SUCLG2: variants seen among roughly 807,000 people sequenced by gnomAD.
SUCLG2 encodes succinate--CoA ligase [GDP-forming] subunit beta, mitochondrial.
SUCLG2 carries 42 observed loss-of-function variants against 47.9 expected under a neutral mutation model. The observed-to-expected ratio is 0.88, with a 90% confidence interval of 0.69 to 1.14. SUCLG2 has a LOEUF of 1.14. SUCLG2 is among the 50% of genes most tolerant of loss of function. The probability of loss-of-function intolerance (pLI) is 0.00; values close to 1 mark genes in which losing one functional copy is unlikely to be tolerated. For missense variants in SUCLG2, 571 were observed against 525.9 expected, an observed-to-expected ratio of 1.09 and a Z score of -0.84; for synonymous variants, 195 against 197.3, an observed-to-expected ratio of 0.99 and a Z score of 0.10.
At chr3:67,623,139 G>C (rs902012778) in intron 1 of SUCLG2, among the ~76,000 whole-genome samples, 2 of 152,058 alleles carry the variant, frequency 1.3e-5, no homozygotes, top group Non-Finnish European at 2.9e-5. Flanking sequence ...ACCCACTCAG[G>C]TGAGTCTCTG....
intron 7 of SUCLG2, among the ~76,000 whole-genome samples, chr3:67,500,362 A>G (rs1047798907): frequency 6.6e-6 from 1 of 152,200 alleles, no homozygotes; most frequent in African/African-American, 2.4e-5. Context: ...AATACTTGTT[A>G]TAAGTATATA....
At chr3:67,494,900 T>C (rs113302466) in intron 9 of SUCLG2, among the ~76,000 whole-genome samples, 1,562 of 152,314 alleles carry the variant, frequency 0.01, 11 homozygotes, top group Non-Finnish European at 0.014. Flanking sequence ...AGCATGGGTG[T>C]GGTAGCTACA....
chr3:67,578,905 G>T lies in SUCLG2; in HGVS notation c.226+30550C>A, dbSNP rs184436700. Among the ~76,000 whole-genome samples, 21 of 152,324 alleles carry T rather than the reference G, an allele frequency of 1.4e-4. No homozygotes were observed. The East Asian group carries it at 3.9e-3, about 28-fold the overall frequency. On this transcript the variant is annotated intron_variant, in intron 2 of 10. Coordinates refer to ENST00000307227, the MANE Select transcript of SUCLG2 (RefSeq NM_003848.4). ...CCCAGGCAGGAGAGCAACACGGAGA[G>T]GCCAAGGGAGGTTGGGGTGACCTGG...
At chr3:67,447,788 G>A (rs1703960433) in intron 9 of SUCLG2, among the ~76,000 whole-genome samples, 1 of 152,206 alleles carries the variant, frequency 6.6e-6, no homozygotes, top group Non-Finnish European at 1.5e-5. Context: ...GGAGTGCAGT[G>A]GTGCAATCTC....
chr3:67,419,924 T>G (rs1007678733), intron 9 of SUCLG2, among the ~76,000 whole-genome samples: 5 of 152,224 alleles, frequency 3.3e-5, no homozygotes, highest in Admixed American at 2.0e-4. Flanking sequence ...TTTAAGATGT[T>G]TAAGAAAAGG....
At chr3:67,483,438 G>T (rs1445818436) in intron 9 of SUCLG2, among the ~76,000 whole-genome samples, 1 of 152,134 alleles carries the variant, frequency 6.6e-6, no homozygotes, top group Non-Finnish European at 1.5e-5. Context: ...GGTCTGCTTG[G>T]ACAAATCTAT....
intron 10 of SUCLG2, among the ~76,000 whole-genome samples, chr3:67,393,349 A>G (rs1702439712): frequency 1.3e-5 from 2 of 152,188 alleles, no homozygotes; most frequent in Admixed American, 1.3e-4. Context: ...GGCTTAAAAA[A>G]CGGCGCACCA....
chr3:67,397,663 A>G (rs1282581310), intron 10 of SUCLG2, among the ~76,000 whole-genome samples: 3 of 152,188 alleles, frequency 2.0e-5, no homozygotes, highest in African/African-American at 7.2e-5. Flanking sequence ...GAATTGGAAA[A>G]AACTACTTTA....
chr3:67,514,376 C>A, intron 6 of SUCLG2: 2 of 329,646 alleles, frequency 6.1e-6, no homozygotes, highest in South Asian at 6.4e-5. Context: ...GTCTATTAAT[C>A]AAACAAAAAT....
chr3:67,459,751 A>G (rs1704279852), intron 9 of SUCLG2, among the ~76,000 whole-genome samples: 1 of 152,218 alleles, frequency 6.6e-6, no homozygotes, highest in African/African-American at 2.4e-5. Flanking sequence ...ATAAAGGAAC[A>G]CTGGTGGTAG....
chr3:67,584,385 G>A (rs1205581119), intron 2 of SUCLG2, among the ~76,000 whole-genome samples: 2 of 152,208 alleles, frequency 1.3e-5, no homozygotes, highest in African/African-American at 4.8e-5. Flanking sequence ...GCTGGCAGGA[G>A]TAATGGGATT....
At chr3:67,493,951 T>C (rs1401263968) in intron 9 of SUCLG2, among the ~76,000 whole-genome samples, 1 of 152,214 alleles carries the variant, frequency 6.6e-6, no homozygotes, top group African/African-American at 2.4e-5. Context: ...CTGGCTGCCT[T>C]TGAACTTCAA....
At chr3:67,504,571 A>G (rs1705586830) in intron 7 of SUCLG2, among the ~76,000 whole-genome samples, 1 of 152,148 alleles carries the variant, frequency 6.6e-6, no homozygotes, top group Non-Finnish European at 1.5e-5. Context: ...CTTAATCTCT[A>G]GACTATGGAC....
At chr3:67,612,958 A>G (rs994064322) in intron 1 of SUCLG2, among the ~76,000 whole-genome samples, 1 of 152,204 alleles carries the variant, frequency 6.6e-6, no homozygotes, top group Non-Finnish European at 1.5e-5. Context: ...GATATGACAA[A>G]AGACACTGGT....
At chr3:67,553,469 AT>A (rs1707070662) in intron 2 of SUCLG2, among the ~76,000 whole-genome samples, 1 of 152,238 alleles carries the variant, frequency 6.6e-6, no homozygotes, top group African/African-American at 2.4e-5. Flanking sequence ...TTAAAATGTA[AT>A]TCACTTTCAA....
chr3:67,599,113 C>T (rs1302304138), intron 2 of SUCLG2, among the ~76,000 whole-genome samples: 2 of 152,190 alleles, frequency 1.3e-5, no homozygotes, highest in Non-Finnish European at 2.9e-5. Context: ...TCTCCTGGCT[C>T]TCCTAGGAAT....
chr3:67,576,942 C>G (rs1707756807), intron 2 of SUCLG2, among the ~76,000 whole-genome samples: 1 of 151,710 alleles, frequency 6.6e-6, no homozygotes. Flanking sequence ...TTACAAAAAG[C>G]CCAAAATGGA....
intron 9 of SUCLG2, among the ~76,000 whole-genome samples, chr3:67,437,553 C>A (rs773742932): frequency 6.6e-6 from 1 of 152,066 alleles, no homozygotes; most frequent in South Asian, 2.1e-4. Context: ...TAAATTATTA[C>A]AGATGTTCTC....
intron 2 of SUCLG2, among the ~76,000 whole-genome samples, chr3:67,600,177 A>C (rs186104617): frequency 2.6e-4 from 40 of 152,356 alleles, no homozygotes; most frequent in Admixed American, 6.5e-4. Context: ...TTATATATTC[A>C]TTATCAAGTT....
Sources: allele counts gnomAD v4.1 joint callset (sites outside exome capture counted in the v4.1 genomes callset), GRCh38; gene constraint gnomAD v4.1.1; transcripts MANE v1.5; gene names NCBI Gene and HGNC (gene_info 2026-07-23, HGNC 2026-07-21).